The following MAGI2 variants were observed in gnomAD, a reference collection of about 807,000 sequenced individuals.
MAGI2 encodes the protein membrane associated guanylate kinase, WW and PDZ domain containing 2, also known as membrane-associated guanylate kinase, WW and PDZ domain-containing protein 2.
In MAGI2, 35 loss-of-function variants were observed where a neutral mutation model predicts 133.3. The ratio of observed to expected loss-of-function variants is 0.26; its 90% CI spans 0.20 to 0.35. The LOEUF (loss-of-function observed/expected upper bound fraction) is 0.35, where lower values mean the gene tolerates loss of function less well. Ranked by LOEUF, MAGI2 falls within the 10% of genes least tolerant of loss-of-function variation. The probability of loss-of-function intolerance (pLI) is 1.00; values close to 1 mark genes in which losing one functional copy is unlikely to be tolerated. For missense variants in MAGI2, 1,636 were observed against 1,863.4 expected (o/e 0.88, Z 2.25); for synonymous variants, 729 against 710.6 (o/e 1.03, Z -0.41).
At position 78,247,303 on chromosome 7, in the gene MAGI2, C is replaced by T. The variant is rs77644125; in HGVS notation, c.2047+8640G>A. Among the ~76,000 whole-genome samples the T allele has an allele frequency of 1.9e-3, 287 of 152,156 alleles. 4 individuals are homozygous for T. The East Asian group carries it at 0.05, about 26-fold the overall frequency. ...ACATCATCGCAAATGTTAATTGCAG[C>T]TGAAGAATCTGTGCAAAGACTATAC... On this transcript the variant is annotated intron_variant, in intron 10 of 21. Coordinates refer to ENST00000354212, the MANE Select transcript of MAGI2 (RefSeq NM_012301.4).
chr7:79,289,954 A>G (rs1195847799), intron 1 of MAGI2, among the ~76,000 whole-genome samples: 1 of 152,062 alleles, frequency 6.6e-6, no homozygotes, highest in Non-Finnish European at 1.5e-5. Context: ...CATTTCTTAA[A>G]TATTGGGTGG....
At position 78,067,658 on chromosome 7, in the gene MAGI2, T is replaced by C. The variant is rs190233147; in HGVS notation, c.3706+11289A>G. On this transcript the variant is annotated intron_variant, in intron 21 of 21. Coordinates refer to ENST00000354212, the MANE Select transcript of MAGI2 (RefSeq NM_012301.4). Reference sequence around the variant, plus strand: ...AAAAATATTGAATCCAAACAGCACATTGATGAATGTGTGATTCTTAAGTTT... The same window carrying C: ...AAAAATATTGAATCCAAACAGCACACTGATGAATGTGTGATTCTTAAGTTT... 5.9e-5 allele frequency among the ~76,000 whole-genome samples: 9 copies of C among 152,344 alleles called. No individual in the cohort carries two copies. In the East Asian group the frequency reaches 1.5e-3, roughly 26 times the overall value.
intron 20 of MAGI2, among the ~76,000 whole-genome samples, chr7:78,124,705 CAG>C (rs1218043197): frequency 2.0e-5 from 3 of 152,044 alleles, no homozygotes; most frequent in Non-Finnish European, 2.9e-5. Context: ...CACAAACACA[CAG>C]AGAGAGTAAA....
intron 1 of MAGI2, among the ~76,000 whole-genome samples, chr7:79,009,379 C>T (rs1176681821): frequency 6.6e-6 from 1 of 151,964 alleles, no homozygotes; most frequent in Non-Finnish European, 1.5e-5. Context: ...AAATTTCCTT[C>T]ACTAATTAAA....
At position 78,775,023 on chromosome 7, in the gene MAGI2, A is replaced by G. The variant is rs572522232; in HGVS notation, c.419-147784T>C. Among the ~76,000 whole-genome samples, 186 of 152,202 alleles carry G rather than the reference A, an allele frequency of 1.2e-3. 1 individual carries two copies. Among genetic ancestry groups the G allele is most frequent in the African/African-American group, 3.2e-3 (133 of 41,540 alleles). On this transcript the variant is annotated intron_variant, in intron 2 of 21. Transcript: ENST00000354212. ...CACACTTACATATATATAGAAGCCT[A>G]AAGGTCAGGGCCGGGCGCAGTGGCT...
At chr7:78,604,038 A>C (rs1248141347) in intron 3 of MAGI2, among the ~76,000 whole-genome samples, 1 of 107,408 alleles carries the variant, frequency 9.3e-6, no homozygotes, top group African/African-American at 3.2e-5. Context: ...ATACAATGAC[A>C]AAATTAAGAT....
At chr7:78,579,469 G>T (rs1191419800) in intron 3 of MAGI2, among the ~76,000 whole-genome samples, 1 of 152,046 alleles carries the variant, frequency 6.6e-6, no homozygotes, top group Non-Finnish European at 1.5e-5. Flanking sequence ...AAAAACAAAA[G>T]GTATCCCACC....
At chr7:78,496,624 A>C (rs914737562) in intron 5 of MAGI2, among the ~76,000 whole-genome samples, 1 of 152,184 alleles carries the variant, frequency 6.6e-6, no homozygotes, top group Non-Finnish European at 1.5e-5. Flanking sequence ...TGGAGGTAGT[A>C]TGAGATAATG....
chr7:78,677,248 T>C lies in MAGI2; in HGVS notation c.419-50009A>G, dbSNP rs143568033. Among the ~76,000 whole-genome samples the C allele has an allele frequency of 7.2e-5, 11 of 151,924 alleles. No homozygotes were observed. The East Asian group carries it at 2.1e-3, about 29-fold the overall frequency. On this transcript the variant is annotated intron_variant, in intron 2 of 21. Coordinates refer to ENST00000354212, the MANE Select transcript of MAGI2 (RefSeq NM_012301.4). ...TGTTATAATTTATCAATTGTGTTGA[T>C]CTGGCTCTACTAAGTCTCTTAATAC... is the stretch of plus-strand genomic sequence containing the variant.
At position 79,139,790 on chromosome 7, in the gene MAGI2, T is replaced by C. The variant is rs1475002298; in HGVS notation, c.302-132584A>G. The C allele has an allele frequency of 2.0e-5, 3 of 152,112 alleles. No homozygotes were observed. In the East Asian group the frequency reaches 5.8e-4, roughly 29 times the overall value. 9.4% of individuals were successfully genotyped at this position (152,112 alleles called of 1,614,324 possible). A position where few individuals can be genotyped will look rare whatever the true frequency, so the allele number is the denominator to read the frequency against. Reference sequence around the variant, plus strand: ...CCACAGCAATAACAGTTTAAACAAATGAACCAAAAAAACCATAATGTGGAG... The same window carrying C: ...CCACAGCAATAACAGTTTAAACAAACGAACCAAAAAAACCATAATGTGGAG... On this transcript the variant is annotated intron_variant, in intron 1 of 21. Coordinates refer to ENST00000354212, the MANE Select transcript of MAGI2 (RefSeq NM_012301.4).
At chr7:79,024,920 T>C (rs760857319) in intron 1 of MAGI2, among the ~76,000 whole-genome samples, 5 of 152,128 alleles carry the variant, frequency 3.3e-5, no homozygotes, top group Non-Finnish European at 5.9e-5. Flanking sequence ...ATAAACTAGT[T>C]CAAATATTGT....
intron 1 of MAGI2, among the ~76,000 whole-genome samples, chr7:79,193,843 G>A (rs916146527): frequency 2.6e-5 from 4 of 151,822 alleles, no homozygotes; most frequent in Non-Finnish European, 5.9e-5. Flanking sequence ...GTTGCAAACC[G>A]GTGTCTGTTT....
chr7:78,173,466 C>T (rs1437201909), intron 14 of MAGI2, among the ~76,000 whole-genome samples: 2 of 152,112 alleles, frequency 1.3e-5, no homozygotes, highest in Non-Finnish European at 2.9e-5. Flanking sequence ...GTGCTGGCTT[C>T]CCCCCAAAGC....
At chr7:78,885,340 G>A (rs147502148) in intron 2 of MAGI2, among the ~76,000 whole-genome samples, 209 of 152,202 alleles carry the variant, frequency 1.4e-3, no homozygotes, top group African/African-American at 4.7e-3. Context: ...AAATCAACAC[G>A]TATGCTAATA....
chr7:79,412,527 G>A (rs1011026406), intron 1 of MAGI2: 1 of 152,152 alleles, frequency 6.6e-6, no homozygotes, highest in South Asian at 2.1e-4. Context: ...GCAGAGACAA[G>A]AGCTCATTTT....
intron 2 of MAGI2, among the ~76,000 whole-genome samples, chr7:78,915,169 C>T (rs1022157286): frequency 6.6e-6 from 1 of 152,042 alleles, no homozygotes; most frequent in Non-Finnish European, 1.5e-5. Context: ...GGATACTACT[C>T]ATGATGGAGA....
At chr7:78,355,462 G>A (rs1374038047) in intron 7 of MAGI2, among the ~76,000 whole-genome samples, 2 of 152,226 alleles carry the variant, frequency 1.3e-5, no homozygotes, top group Non-Finnish European at 2.9e-5. Context: ...GGCAGAGTGG[G>A]ATGGGAACTA....
At chr7:78,256,839 G>T (rs781479793) in intron 9 of MAGI2, among the ~76,000 whole-genome samples, 1 of 152,088 alleles carries the variant, frequency 6.6e-6, no homozygotes, top group African/African-American at 2.4e-5. Flanking sequence ...AGAAACAAAG[G>T]CTCTGAAAGA....
intron 6 of MAGI2, among the ~76,000 whole-genome samples, chr7:78,433,325 T>C (rs1799971047): frequency 6.6e-6 from 1 of 152,036 alleles, no homozygotes; most frequent in Non-Finnish European, 1.5e-5. Context: ...CTTATTTGTA[T>C]AAAATATACC....
Sources: allele counts gnomAD v4.1 joint callset (sites outside exome capture counted in the v4.1 genomes callset), GRCh38; gene constraint gnomAD v4.1.1; transcripts MANE v1.5; gene names NCBI Gene and HGNC (gene_info 2026-07-23, HGNC 2026-07-21).